Variants in ASPHD1 observed in about 807,000 individuals in gnomAD.
ASPHD1 encodes aspartate beta-hydroxylase domain containing 1, also known as aspartate beta-hydroxylase domain-containing protein 1.
A neutral mutation model predicts 28.3 loss-of-function variants in ASPHD1; 20 were observed. That is an observed-to-expected ratio of 0.71 (90% CI 0.50 to 1.03). The LOEUF (loss-of-function observed/expected upper bound fraction) is 1.03, where lower values mean the gene tolerates loss of function less well. Ranked by LOEUF, ASPHD1 falls within the 50% of genes least tolerant of loss-of-function variation. ASPHD1 has a pLI of 0.00. For missense variants in ASPHD1, 479 were observed against 524.1 expected (o/e 0.91, Z 0.84); for synonymous variants, 240 against 221.2 (o/e 1.08, Z -0.75).
chr16:29,911,731 G>C, intron 3 of ASPHD1: 1 of 1,458,618 alleles, frequency 6.9e-7, no homozygotes, highest in Non-Finnish European at 9.5e-7. Flanking sequence ...GGCCCCCCGT[G>C]TGGCCGTGGC....
chr16:29,900,821 G>T lies in ASPHD1; in HGVS notation c.-151G>T, dbSNP rs1206238672. 1.4e-6 allele frequency: 1 copy of T among 701,416 alleles called. No homozygotes were observed. Among genetic ancestry groups the T allele is most frequent in the African/African-American group, 1.8e-5 (1 of 55,278 alleles). The allele number at this position is 701,416 out of a possible 1,614,324, so 43.4% of individuals were successfully genotyped here. On this transcript the variant is annotated 5_prime_UTR_variant, in exon 1 of 3. Transcript: ENST00000308748. ...AAAGCGGGGGTGGGGAGGAAAGGGG[G>T]AGATTGAGGTGGGAGAGAGAAGCAG...
chr16:29,911,687 G>T, intron 3 of ASPHD1: 2 of 965,188 alleles, frequency 2.1e-6, no homozygotes, highest in Non-Finnish European at 3.1e-6. Context: ...AAGAGGCGAA[G>T]CCGAATCTGC....
chr16:29,910,015 C>T (rs75546749), downstream of ASPHD1, among the ~76,000 whole-genome samples: 2,229 of 150,842 alleles, frequency 0.015, 258 homozygotes, highest in East Asian at 0.29. Flanking sequence ...AGGAGAATCA[C>T]TTGAATCTGG....
At position 29,901,414 on chromosome 16, in the gene ASPHD1, G is replaced by A. The variant is rs753066450; in HGVS notation, c.443G>A (p.Arg148Gln). Residue 148 changes from arginine to glutamine, a missense_variant, in exon 1 of 3, where the codon CGG becomes CAG. By Grantham distance (43) the Arg-to-Gln change is conservative (BLOSUM62 1). Transcript: ENST00000308748. The surrounding 1 kb of genome is among the most constrained non-coding windows in gnomAD (Gnocchi z 5.1). ...EGPRTEGLVSRRLRAYARRYS... is the reference protein window; with the variant it reads ...EGPRTEGLVSQRLRAYARRYS... ...CCTAGGACGGAAGGCCTAGTGAGCCGGCGGCTTCGGGCCTACGCAAGGCGC... is the reference window on the plus strand; with the variant it reads ...CCTAGGACGGAAGGCCTAGTGAGCCAGCGGCTTCGGGCCTACGCAAGGCGC... 2.5e-6 allele frequency: 4 copies of A among 1,590,896 alleles called. No homozygotes were observed. The Admixed American group carries it at 7.1e-5, about 28-fold the overall frequency.
At chr16:29,902,896 T>C (rs2068567132) in intron 1 of ASPHD1, among the ~76,000 whole-genome samples, 1 of 145,252 alleles carries the variant, frequency 6.9e-6, no homozygotes, top group Non-Finnish European at 1.5e-5. Flanking sequence ...TTTCTTTTTT[T>C]TTTTTTTTTG....
chr16:29,901,770 C>A lies in ASPHD1; in HGVS notation c.799C>A (p.Arg267=). Residue 267 remains arginine (R), a synonymous_variant, in exon 1 of 3, where the codon CGG becomes AGG. Transcript: ENST00000308748. The surrounding 1 kb of genome is among the most constrained non-coding windows in gnomAD (Gnocchi z 5.1). ...CCGGTGCCAACCCAGCAACTGCCGCCGGTGCCCGGGGGCCTATCGGGCACT... is the reference window on the plus strand; with the variant it reads ...CCGGTGCCAACCCAGCAACTGCCGCAGGTGCCCGGGGGCCTATCGGGCACT... ...AGRCQPSNCR[R]CPGAYRALRG... is the part of the protein sequence containing the mutation. 1 of 1,552,656 alleles carries A rather than the reference C, an allele frequency of 6.4e-7. No individual in the cohort carries two copies.
chr16:29,905,064 T>C, intron 2 of ASPHD1, 99 bp downstream of exon 2: 1 of 812,376 alleles, frequency 1.2e-6, no homozygotes, highest in South Asian at 1.5e-5. Context: ...CTTCCTGTCC[T>C]ACCACCACCA....
chr16:29,911,303 C>T (rs2068704534), intron 3 of ASPHD1: 1 of 715,048 alleles, frequency 1.4e-6, no homozygotes, highest in Admixed American at 2.7e-5. Context: ...CAGAGAGCCT[C>T]CTCCACCCCT....
chr16:29,911,128 C>T (rs771347523), intron 3 of ASPHD1: 6 of 1,614,038 alleles, frequency 3.7e-6, no homozygotes, highest in Non-Finnish European at 5.1e-6. Flanking sequence ...GCAGGGCCAG[C>T]TTGTCGAACA....
chr16:29,916,147 A>T (rs2068805481), intron 3 of ASPHD1, among the ~76,000 whole-genome samples: 1 of 152,068 alleles, frequency 6.6e-6, no homozygotes, highest in Non-Finnish European at 1.5e-5. Context: ...CTACACAAGG[A>T]TCTCCTTTCC....
At chr16:29,917,701 C>G (rs139002704) in intron 3 of ASPHD1, among the ~76,000 whole-genome samples, 1,674 of 152,216 alleles carry the variant, frequency 0.011, 16 homozygotes, top group Non-Finnish European at 0.018. Flanking sequence ...ATCGCTTGAA[C>G]CCGGGAGGCA....
chr16:29,911,610 A>C (rs2068710881), intron 3 of ASPHD1: 1 of 608,846 alleles, frequency 1.6e-6, no homozygotes, highest in East Asian at 2.8e-5. Flanking sequence ...GTCCTCACCC[A>C]AACCCATTTA....
At chr16:29,911,739 G>A in intron 3 of ASPHD1, 3 of 1,519,576 alleles carry the variant, frequency 2.0e-6, no homozygotes, top group Non-Finnish European at 2.7e-6. Flanking sequence ...GTGTGGCCGT[G>A]GCCCTCGCCT....
intron 3 of ASPHD1, among the ~76,000 whole-genome samples, chr16:29,917,036 A>G (rs903013555): frequency 3.3e-5 from 5 of 152,238 alleles, no homozygotes; most frequent in Admixed American, 2.0e-4. Context: ...AATGTCTTTT[A>G]TGACCTAGCT....
chr16:29,911,301 C>T (rs2068704410), intron 3 of ASPHD1: 3 of 721,310 alleles, frequency 4.2e-6, no homozygotes, highest in Admixed American at 5.5e-5. Flanking sequence ...AACAGAGAGC[C>T]TCCTCCACCC....
At chr16:29,912,161 A>G in intron 3 of ASPHD1, 1 of 718,014 alleles carries the variant, frequency 1.4e-6, no homozygotes, top group South Asian at 1.6e-5. Flanking sequence ...AGTGGTCCGC[A>G]GGGCTCTGCA....
chr16:29,916,558 C>T lies in ASPHD1; in HGVS notation c.*63-2973C>T, dbSNP rs1597022389. Among the ~76,000 whole-genome samples, 3 of 152,176 alleles carry T rather than the reference C, an allele frequency of 2.0e-5. No homozygotes were observed. The South Asian group carries it at 6.2e-4, about 31-fold the overall frequency. On this transcript the variant is annotated intron_variant and NMD_transcript_variant, in intron 3 of 3. Transcript: ENST00000414952. ...TCTGTTACTGGGTAACAAATTACTA[C>T]AAACTCAGCAGCTTAAAACAACAGT...
In ASPHD1 at chr16:29,900,613, G is replaced by A. The variant is rs1418513501; in HGVS notation, c.-359G>A. ...AGCGAGTAGGAGAGAGGGAGCGAGA[G>A]CCAGGCAGGACCGCAGGGTCGGGGC... On this transcript the variant is annotated 5_prime_UTR_variant, in exon 1 of 3. Coordinates refer to ENST00000308748, the MANE Select transcript of ASPHD1 (RefSeq NM_181718.4). 3.1e-6 allele frequency: 1 copy of A among 320,274 alleles called. No homozygotes were observed. The highest frequency in any genetic ancestry group is 5.8e-6 in the Non-Finnish European group (1 of 172,518). The allele number at this position is 320,274 out of a possible 1,614,324, so 19.8% of individuals were successfully genotyped here.
At chr16:29,914,194 G>C (rs1014562933) in intron 3 of ASPHD1, 1 of 152,124 alleles carries the variant, frequency 6.6e-6, no homozygotes, top group Non-Finnish European at 1.5e-5. Flanking sequence ...ATGACACACA[G>C]GAACGAGCAC....
Sources: allele counts gnomAD v4.1 joint callset (sites outside exome capture counted in the v4.1 genomes callset), GRCh38; gene constraint gnomAD v4.1.1; non-coding constraint Gnocchi (gnomAD v3.1); transcripts MANE v1.5; gene names NCBI Gene and HGNC (gene_info 2026-07-23, HGNC 2026-07-21).